Variants in SNRNP40 observed in about 807,000 individuals in gnomAD.
The protein encoded by SNRNP40 is U5 small nuclear ribonucleoprotein 40 kDa protein.
Under a neutral mutation model 45.8 loss-of-function variants are expected in SNRNP40, and 21 were observed. The observed-to-expected ratio is 0.46, with a 90% CI of 0.32 to 0.66. SNRNP40 has a LOEUF of 0.66. SNRNP40 is among the 30% of genes least tolerant of loss of function. The pLI is 0.03. For synonymous variants in SNRNP40, 142 were observed against 163.8 expected, an observed-to-expected ratio of 0.87 and a Z score of 1.01; for missense variants, 344 against 439.1, an observed-to-expected ratio of 0.78 and a Z score of 1.94.
chr1:31,280,658 G>A (rs1646010523), intron 5 of SNRNP40, among the ~76,000 whole-genome samples: 1 of 152,148 alleles, frequency 6.6e-6, no homozygotes, highest in Non-Finnish European at 1.5e-5. Context: ...AAGCTGTGCA[G>A]GCCCAAAATA....
In SNRNP40 at chr1:31,287,566, C is replaced by T. The variant is rs3766288; in HGVS notation, c.531+1688G>A. Among the ~76,000 whole-genome samples, 895 of 152,272 alleles carry T rather than the reference C, an allele frequency of 5.9e-3. 70 individuals carry two copies. The East Asian group carries it at 0.15, about 25-fold the overall frequency. ...TCTTCTGAAATGACAATTAGTAAAT[C>T]AGCTACTGTTAAGACTCTCCAACTA... On this transcript the variant is annotated intron_variant, in intron 4 of 9. Transcript: ENST00000263694.
rs778976320 is a variant in SNRNP40 at position 31,260,019 on chromosome 1, T to C, written c.*53A>G. 1.2e-5 allele frequency: 15 copies of C among 1,289,480 alleles called. No homozygotes were observed. In the East Asian group the frequency reaches 2.1e-4, roughly 18 times the overall value. 79.9% of individuals were successfully genotyped at this position (1,289,480 alleles called of 1,614,324 possible). On this transcript the variant is annotated 3_prime_UTR_variant, in exon 10 of 10. Coordinates refer to ENST00000263694, the MANE Select transcript of SNRNP40 (RefSeq NM_004814.3). ...GACATCCAACATTTGGCATCACTTA[T>C]GCAGTCTGAGGTCTCAAAGACAAGC...
intron 2 of SNRNP40, 24 bp downstream of exon 2, chr1:31,293,195 C>T (rs1437070579): frequency 6.2e-7 from 1 of 1,612,230 alleles, no homozygotes; most frequent in Non-Finnish European, 8.5e-7. Flanking sequence ...AAAAATTATT[C>T]CAGATTCAAA....
chr1:31,282,738 C>A (rs886771547), intron 4 of SNRNP40, among the ~76,000 whole-genome samples: 1 of 152,044 alleles, frequency 6.6e-6, no homozygotes, highest in Non-Finnish European at 1.5e-5. Context: ...TGCGGTGGTG[C>A]GATCTTGGCT....
intron 2 of SNRNP40, 22 bp downstream of exon 2, chr1:31,293,197 A>G: frequency 6.2e-7 from 1 of 1,612,466 alleles, no homozygotes; most frequent in South Asian, 1.1e-5. Context: ...AAATTATTCC[A>G]GATTCAAAAA....
At chr1:31,285,241 C>T (rs1212206658) in intron 4 of SNRNP40, among the ~76,000 whole-genome samples, 4 of 99,674 alleles carry the variant, frequency 4.0e-5, no homozygotes, top group African/African-American at 6.6e-5. Flanking sequence ...TGCCTTATCA[C>T]CTTTTTTTTT....
At chr1:31,273,952 AGTTT>A in intron 5 of SNRNP40, among the ~76,000 whole-genome samples, 1 of 152,054 alleles carries the variant, frequency 6.6e-6, no homozygotes, top group South Asian at 2.1e-4. Flanking sequence ...GGAAGAAGGA[AGTTT>A]TTTTTTGTTT....
intron 4 of SNRNP40, 152 bp from the exon 5 acceptor site, chr1:31,281,648 A>C: frequency 3.4e-6 from 2 of 590,474 alleles, no homozygotes; most frequent in Non-Finnish European, 2.7e-6. Flanking sequence ...CTAATAACAC[A>C]CATGGTAAGC....
At chr1:31,274,645 T>TAAAAA (rs368995037) in intron 5 of SNRNP40, among the ~76,000 whole-genome samples, 19 of 112,020 alleles carry the variant, frequency 1.7e-4, no homozygotes, top group African/African-American at 4.9e-4. Flanking sequence ...ACCATTACAT[T>TAAAAA]AAAAAAAAAA....
chr1:31,267,910 G>T lies in SNRNP40; in HGVS notation c.881C>A (p.Ser294Ter). 6.2e-7 allele frequency: 1 copy of T among 1,612,944 alleles called. No individual in the cohort carries two copies. Among genetic ancestry groups the T allele is most frequent in the Non-Finnish European group, 8.5e-7 (1 of 1,179,086 alleles). ...FEKNLLRCSW[S>*]PDGSKIAAGS... Reference sequence around the variant, plus strand: ...AGCTGCTATTTTGCTTCCATCAGGTGACCAAGAACATCTCAGAAGGTTCTA... The same window carrying T: ...AGCTGCTATTTTGCTTCCATCAGGTTACCAAGAACATCTCAGAAGGTTCTA... Residue 294 changes from serine (S) to a stop codon, truncating the protein, a stop_gained, in exon 8 of 10, where the codon TCA becomes TAA. Coordinates refer to ENST00000263694, the MANE Select transcript of SNRNP40 (RefSeq NM_004814.3). LOFTEE classifies it high-confidence loss of function.
At chr1:31,282,318 T>G (rs1268299228) in intron 4 of SNRNP40, 1 of 152,102 alleles carries the variant, frequency 6.6e-6, no homozygotes, top group African/African-American at 2.4e-5. Context: ...TGAAAACATT[T>G]AAAGGAAAGG....
intron 8 of SNRNP40, among the ~76,000 whole-genome samples, chr1:31,267,088 G>A (rs1041235834): frequency 1.3e-5 from 2 of 152,280 alleles, no homozygotes; most frequent in Admixed American, 1.3e-4. Context: ...ACATAGAGGT[G>A]GTTACTAGAG....
chr1:31,289,238 G>A lies in SNRNP40; in HGVS notation c.531+16C>T. The A allele has an allele frequency of 6.2e-7, 1 of 1,612,018 alleles. No individual in the cohort carries two copies. The highest frequency in any genetic ancestry group is 8.5e-7 in the Non-Finnish European group (1 of 1,178,584). On this transcript the variant is annotated intron_variant, in intron 4 of 9. Transcript: ENST00000263694. ...ACATCACCTCAGAAACTGGAACACGGAGAGACAATACCCACCTTAACTGTG... is the reference window on the plus strand; with the variant it reads ...ACATCACCTCAGAAACTGGAACACGAAGAGACAATACCCACCTTAACTGTG...
chr1:31,275,499 C>T (rs1227507750), intron 5 of SNRNP40, among the ~76,000 whole-genome samples: 2 of 152,120 alleles, frequency 1.3e-5, no homozygotes, highest in African/African-American at 2.4e-5. Flanking sequence ...AAGCGATTCT[C>T]GTGCCTCAGG....
In SNRNP40 at chr1:31,263,499, T is replaced by C. The variant is rs1279599403; in HGVS notation, c.921-1867A>G. ...TGGCATATGGCACAATCTGTATGTATTTAGAGAGCCCCTGAAATCAACTCT... is the reference window on the plus strand; with the variant it reads ...TGGCATATGGCACAATCTGTATGTACTTAGAGAGCCCCTGAAATCAACTCT... On this transcript the variant is annotated intron_variant, in intron 8 of 9. Coordinates refer to ENST00000263694, the MANE Select transcript of SNRNP40 (RefSeq NM_004814.3). 5 of 346,732 alleles carry C rather than the reference T, an allele frequency of 1.4e-5. No homozygotes were observed. In the Admixed American group the frequency reaches 1.6e-4, roughly 11 times the overall value. The allele number at this position is 346,732 out of a possible 1,614,324, so 21.5% of individuals were successfully genotyped here.
chr1:31,284,216 C>G (rs1646039849), intron 4 of SNRNP40, among the ~76,000 whole-genome samples: 1 of 152,240 alleles, frequency 6.6e-6, no homozygotes, highest in African/African-American at 2.4e-5. Flanking sequence ...GTGGCGGCAT[C>G]TCGGCTCACT....
intron 5 of SNRNP40, among the ~76,000 whole-genome samples, chr1:31,277,707 T>A (rs1046500975): frequency 2.0e-5 from 3 of 152,228 alleles, no homozygotes; most frequent in Non-Finnish European, 4.4e-5. Context: ...TTTTTTTTAA[T>A]GCTTTGAGAC....
chr1:31,261,411 C>T (rs954652375), intron 9 of SNRNP40, 118 bp downstream of exon 9: 5 of 674,594 alleles, frequency 7.4e-6, no homozygotes, highest in Non-Finnish European at 1.3e-5. Flanking sequence ...CAAAAACACC[C>T]AAAGGCTGTT....
In SNRNP40 at chr1:31,261,602, C is replaced by T. The variant is rs746671197; in HGVS notation, c.951G>A (p.Arg317=). The T allele has an allele frequency of 1.9e-6, 3 of 1,614,056 alleles. No homozygotes were observed. The highest frequency in any genetic ancestry group is 1.1e-5 in the South Asian group (1 of 91,074). Residue 317 remains arginine, a synonymous_variant, in exon 9 of 10, where the codon AGG becomes AGA. Transcript: ENST00000263694. Reference sequence around the variant, plus strand: ...GGCCGGGCAGCTTATACAATATTCTCCTGCTTGTGGTATCCCACACATAAA... The same window carrying T: ...GGCCGGGCAGCTTATACAATATTCTTCTGCTTGTGGTATCCCACACATAAA... ...RFVYVWDTTS[R]RILYKLPGHA...
Sources: gnomAD v4.1 joint callset for allele counts (sites outside exome capture counted in the v4.1 genomes callset) on GRCh38, gnomAD v4.1.1 for gene constraint, MANE v1.5 for transcripts, NCBI Gene and HGNC (gene_info 2026-07-23, HGNC 2026-07-21) for gene names.